The following LUZP2 variants were observed in gnomAD, a reference collection of about 807,000 sequenced individuals.
LUZP2 encodes leucine zipper protein 2.
LUZP2 carries 52 observed loss-of-function variants against 51.6 expected under a neutral mutation model. The observed-to-expected ratio is 1.01, with a 90% CI of 0.81 to 1.27. The LOEUF (loss-of-function observed/expected upper bound fraction) is 1.27. LUZP2 is among the 50% of genes most tolerant of loss of function. The pLI is 0.00. For synonymous variants in LUZP2, 154 were observed against 137.3 expected, an observed-to-expected ratio of 1.12 and a Z score of -0.85; for missense variants, 436 against 395.4, an observed-to-expected ratio of 1.10 and a Z score of -0.87.
At chr11:25,076,947 A>G (rs1341057990) in intron 10 of LUZP2, among the ~76,000 whole-genome samples, 1 of 152,154 alleles carries the variant, frequency 6.6e-6, no homozygotes, top group Non-Finnish European at 1.5e-5. Flanking sequence ...AGCTTGCAAT[A>G]TTGATGTTCC....
intron 5 of LUZP2, among the ~76,000 whole-genome samples, chr11:24,896,673 A>T (rs976278879): frequency 3.9e-5 from 6 of 152,184 alleles, no homozygotes; most frequent in African/African-American, 1.4e-4. Flanking sequence ...CCAAGGGTTG[A>T]GGAGTGCGGG....
chr11:24,892,015 C>G, intron 5 of LUZP2: 1 of 985,568 alleles, frequency 1.0e-6, no homozygotes, highest in South Asian at 4.7e-5. Context: ...TGCAGGCTGG[C>G]TCTTGGAAAG....
intron 9 of LUZP2, among the ~76,000 whole-genome samples, chr11:25,030,892 TATATATATATATAATATATA>T (rs1857629116): frequency 1.3e-4 from 1 of 7,930 alleles, no homozygotes; most frequent in Non-Finnish European, 2.4e-4. Context: ...CTATATATAT[TATATATATATATAATATATA>T]TTGTATTATA....
intron 4 of LUZP2, among the ~76,000 whole-genome samples, chr11:24,749,958 G>A (rs1429979186): frequency 6.6e-6 from 1 of 152,086 alleles, no homozygotes; most frequent in Non-Finnish European, 1.5e-5. Flanking sequence ...GATCCTGTAA[G>A]CCAATTCTCC....
intron 4 of LUZP2, among the ~76,000 whole-genome samples, chr11:24,742,607 T>G (rs1282598048): frequency 1.3e-5 from 2 of 152,138 alleles, no homozygotes; most frequent in African/African-American, 4.8e-5. Flanking sequence ...CTTTGTCAGA[T>G]GTATAGATTA....
At chr11:24,556,937 G>A (rs372428834) in intron 1 of LUZP2, among the ~76,000 whole-genome samples, 37 of 151,950 alleles carry the variant, frequency 2.4e-4, no homozygotes, top group East Asian at 9.7e-4. Flanking sequence ...TGGGCTTTTC[G>A]ATTGGTTAAT....
intron 9 of LUZP2, among the ~76,000 whole-genome samples, chr11:25,027,891 T>C (rs1424299268): frequency 2.6e-5 from 4 of 151,458 alleles, no homozygotes; most frequent in African/African-American, 9.7e-5. Context: ...AAAAGGTGTT[T>C]AGATTTAGAT....
At chr11:24,561,949 G>A (rs1292236844) in intron 1 of LUZP2, among the ~76,000 whole-genome samples, 3 of 152,202 alleles carry the variant, frequency 2.0e-5, no homozygotes, top group Middle Eastern at 3.4e-3. Context: ...GATAGGAAAG[G>A]CAGCCTAGAA....
intron 5 of LUZP2, among the ~76,000 whole-genome samples, chr11:24,765,267 C>A (rs80031266): frequency 0.067 from 10,169 of 152,026 alleles, 698 homozygotes; most frequent in African/African-American, 0.17. Flanking sequence ...GAAGATTTTC[C>A]GTTCAGGCAT....
At chr11:24,672,847 T>TACCA (rs1439880025) in intron 1 of LUZP2, among the ~76,000 whole-genome samples, 1 of 152,172 alleles carries the variant, frequency 6.6e-6, no homozygotes, top group Admixed American at 6.5e-5. Flanking sequence ...CACAGACCAG[T>TACCA]ACCAATCCGT....
At chr11:24,769,861 T>G (rs373058182) in intron 5 of LUZP2, among the ~76,000 whole-genome samples, 11,524 of 150,978 alleles carry the variant, frequency 0.076, 986 homozygotes, top group African/African-American at 0.21. Flanking sequence ...GGCACCATCA[T>G]GGCTCACTGC....
At chr11:24,712,408 TA>T (rs538652734) in intron 1 of LUZP2, among the ~76,000 whole-genome samples, 72 of 146,082 alleles carry the variant, frequency 4.9e-4, no homozygotes, top group Middle Eastern at 3.5e-3. Flanking sequence ...AGATCCTGCC[TA>T]AAAAAAAAAA....
intron 1 of LUZP2, among the ~76,000 whole-genome samples, chr11:24,646,104 C>A (rs1855452319): frequency 6.6e-6 from 1 of 152,004 alleles, no homozygotes; most frequent in Admixed American, 6.6e-5. Context: ...ATAACATCAG[C>A]TTCAAAGTGT....
At position 24,713,683 on chromosome 11, in the gene LUZP2, G is replaced by GTCTTT. The variant is rs1554978134; in HGVS notation, c.63-15485_63-15484insCTTTT. Among the ~76,000 whole-genome samples, 185 of 89,702 alleles carry GTCTTT rather than the reference G, an allele frequency of 2.1e-3. 2 individuals carry two copies. The highest frequency in any genetic ancestry group is 8.2e-3 in the African/African-American group (179 of 21,876). 58.8% of individuals were successfully genotyped at this position (89,702 alleles called of 152,430 possible). ...ATCCTGGATAACAGAGTGAGAATCT[G>GTCTTT]TTTTTTTTTTTTTTTTTTTTTCTGA... On this transcript the variant is annotated intron_variant, in intron 1 of 11. Transcript: ENST00000336930.
chr11:24,960,944 G>C (rs919293873), intron 7 of LUZP2, among the ~76,000 whole-genome samples: 1 of 151,962 alleles, frequency 6.6e-6, no homozygotes, highest in African/African-American at 2.4e-5. Flanking sequence ...GTGGTATGTT[G>C]TGTCTTTGTT....
chr11:24,816,270 A>G lies in LUZP2; in HGVS notation c.396+52962A>G, dbSNP rs1411545256. 4.6e-5 allele frequency among the ~76,000 whole-genome samples: 7 copies of G among 151,812 alleles called. No individual in the cohort carries two copies. In the South Asian group the frequency reaches 1.5e-3, roughly 32 times the overall value. On this transcript the variant is annotated intron_variant, in intron 5 of 11. Transcript: ENST00000336930. ...TGTAATATGGCGACTGGATCATCTTATTTCTAAAATCTTTTTTTTTCAGCT... is the reference window on the plus strand; with the variant it reads ...TGTAATATGGCGACTGGATCATCTTGTTTCTAAAATCTTTTTTTTTCAGCT...
At chr11:24,794,293 T>A (rs554692566) in intron 5 of LUZP2, among the ~76,000 whole-genome samples, 1 of 152,250 alleles carries the variant, frequency 6.6e-6, no homozygotes, top group East Asian at 1.9e-4. Context: ...CTCTACATAC[T>A]TTGCACATGG....
chr11:25,067,083 G>A (rs768776615), intron 10 of LUZP2, among the ~76,000 whole-genome samples: 61 of 151,994 alleles, frequency 4.0e-4, no homozygotes, highest in Non-Finnish European at 8.8e-4. Flanking sequence ...TATCATTAAA[G>A]TAATAAAATT....
chr11:24,937,442 A>T (rs1380168052), intron 7 of LUZP2, among the ~76,000 whole-genome samples: 1 of 152,224 alleles, frequency 6.6e-6, no homozygotes, highest in Non-Finnish European at 1.5e-5. Flanking sequence ...ATGTAGCAGG[A>T]TCAAATGAGA....
Sources: allele counts gnomAD v4.1 joint callset (sites outside exome capture counted in the v4.1 genomes callset), GRCh38; gene constraint gnomAD v4.1.1; transcripts MANE v1.5; gene names NCBI Gene and HGNC (gene_info 2026-07-23, HGNC 2026-07-21).